Variants in CD36 observed in about 807,000 individuals in gnomAD.
CD36 encodes the protein platelet glycoprotein 4.
A neutral mutation model predicts 55.2 loss-of-function variants in CD36; 119 were observed. The ratio of observed to expected loss-of-function variants is 2.15; its 90% CI spans 1.86 to 2.51. The LOEUF (loss-of-function observed/expected upper bound fraction) is 2.51, where lower values mean the gene tolerates loss of function less well. CD36 is among the 30% of genes most tolerant of loss of function. The probability of loss-of-function intolerance (pLI) is 0.00; values close to 1 mark genes in which losing one functional copy is unlikely to be tolerated. For missense variants in CD36, 819 were observed against 555.5 expected, an observed-to-expected ratio of 1.47 and a Z score of -4.77; for synonymous variants, 186 against 193.6, an observed-to-expected ratio of 0.96 and a Z score of 0.33.
intron 3 of CD36, among the ~76,000 whole-genome samples, chr7:80,648,345 A>G (rs1795329848): frequency 6.6e-6 from 1 of 152,136 alleles, no homozygotes; most frequent in Non-Finnish European, 1.5e-5. Flanking sequence ...TCCAAATTCA[A>G]AAATCACAAT....
At chr7:80,610,872 C>T (rs2691200) in intron 1 of CD36, among the ~76,000 whole-genome samples, 61,498 of 151,870 alleles carry the variant, frequency 0.4, 12,675 homozygotes, top group African/African-American at 0.47. Context: ...GGCACCCAGC[C>T]AGATTTTTTT....
chr7:80,636,532 C>CAAAAAA (rs5885186), upstream of CD36, among the ~76,000 whole-genome samples: 1 of 124,646 alleles, frequency 8.0e-6, no homozygotes, highest in Non-Finnish European at 1.7e-5. Context: ...TGATCTCTTG[C>CAAAAAA]AAAAAAAAAA....
rs1448912663 is a variant in CD36, at chr7:80,678,809, A to C, written c.*2426A>C. On this transcript the variant is annotated 3_prime_UTR_variant, in exon 15 of 15. Coordinates refer to ENST00000447544, the MANE Select transcript of CD36 (RefSeq NM_001001548.3). ...CAGTGAACTGAGATCGCGTCACTGC[A>C]CTCCAGCCTGGTGACAGAGCGAGAT... 6.6e-6 allele frequency: 1 copy of C among 151,182 alleles called. No homozygotes were observed. Among genetic ancestry groups the C allele is most frequent in the African/African-American group, 2.4e-5 (1 of 41,152 alleles). 9.4% of individuals were successfully genotyped at this position (151,182 alleles called of 1,614,324 possible). A position where few individuals can be genotyped will look rare whatever the true frequency, so the allele number is the denominator to read the frequency against.
intron 14 of CD36, 43 bp downstream of exon 14, chr7:80,674,190 A>T (rs1798038760): frequency 7.4e-7 from 1 of 1,358,868 alleles, no homozygotes; most frequent in African/African-American, 1.4e-5. Flanking sequence ...ATATTAGCTT[A>T]TATATTACTT....
chr7:80,609,774 C>T (rs941749417), intron 1 of CD36, among the ~76,000 whole-genome samples: 5 of 152,134 alleles, frequency 3.3e-5, no homozygotes, highest in African/African-American at 1.2e-4. Context: ...ACAACAAGAG[C>T]TTGATAGGAG....
intron 6 of CD36, among the ~76,000 whole-genome samples, chr7:80,663,525 A>T (rs1229071210): frequency 6.6e-6 from 1 of 151,944 alleles, no homozygotes; most frequent in Non-Finnish European, 1.5e-5. Context: ...CCATATTTTT[A>T]TTTGTTTTAA....
intron 1 of CD36, among the ~76,000 whole-genome samples, chr7:80,617,349 C>CA (rs1000191047): frequency 1.3e-5 from 2 of 151,700 alleles, no homozygotes; most frequent in African/African-American, 4.8e-5. Context: ...ACCTATGTAA[C>CA]AAACCTGCAT....
rs371728039 is a variant in CD36, at chr7:80,620,012, GTGTTTT to G, written c.-184+17647_-184+17652del. Among the ~76,000 whole-genome samples, 81 of 152,288 alleles carry G rather than the reference GTGTTTT, an allele frequency of 5.3e-4. 3 individuals carry two copies. The Middle Eastern group carries it at 0.041, about 77-fold the overall frequency. The stretch of plus-strand genomic sequence containing the variant: ...TAGCTTTTCTAATTGAGCAAAGAAA[GTGTTTT>G]TGTTTTTGTTTTTTTTTAGATGAAA... On this transcript the variant is annotated intron_variant, in intron 1 of 13. Coordinates refer to the CD36 transcript ENST00000309881.
chr7:80,668,668 C>A (rs557422950), intron 8 of CD36, among the ~76,000 whole-genome samples: 7 of 152,130 alleles, frequency 4.6e-5, no homozygotes, highest in Non-Finnish European at 1.0e-4. Context: ...CTTTTCAATG[C>A]ATTTTTCTTT....
intron 3 of CD36, among the ~76,000 whole-genome samples, chr7:80,654,566 G>A (rs1795885992): frequency 6.6e-6 from 1 of 152,118 alleles, no homozygotes; most frequent in African/African-American, 2.4e-5. Flanking sequence ...ACATTTAGAA[G>A]AATATCCATA....
At chr7:80,610,729 C>A (rs2115765459) in intron 1 of CD36, among the ~76,000 whole-genome samples, 1 of 152,160 alleles carries the variant, frequency 6.6e-6, no homozygotes, top group East Asian at 1.9e-4. Flanking sequence ...CGCCCGCCAC[C>A]ACGCCTGGCT....
chr7:80,629,547 G>T (rs76416388), intron 1 of CD36, among the ~76,000 whole-genome samples: 2,523 of 152,042 alleles, frequency 0.017, 71 homozygotes, highest in African/African-American at 0.057. Context: ...GTGTTAAAGG[G>T]CATCTCTGGA....
chr7:80,626,279 A>G (rs754876504), intron 1 of CD36: 39 of 152,226 alleles, frequency 2.6e-4, no homozygotes, highest in Non-Finnish European at 3.2e-4. Flanking sequence ...TATTTATATT[A>G]TTTACACTAT....
intron 1 of CD36, among the ~76,000 whole-genome samples, chr7:80,609,564 G>A (rs910191735): frequency 2.0e-5 from 3 of 152,048 alleles, no homozygotes; most frequent in African/African-American, 7.2e-5. Flanking sequence ...TTGTTTTGTT[G>A]ATTCTCACGT....
rs1797512224 is a variant in CD36, at chr7:80,670,077, T to C, written c.818+55T>C. 6.5e-6 allele frequency: 7 copies of C among 1,073,542 alleles called. No individual in the cohort carries two copies. In the Admixed American group the frequency reaches 1.0e-4, roughly 15 times the overall value. 66.5% of individuals were successfully genotyped at this position (1,073,542 alleles called of 1,614,324 possible). On this transcript the variant is annotated intron_variant, in intron 9 of 14. Transcript: ENST00000447544. ...CTGAGTCAGACCCCAGGTGACAAAA[T>C]GCAGACCAAGAAACTTAAACACAGC...
chr7:80,619,832 T>C (rs1793362213), intron 1 of CD36, among the ~76,000 whole-genome samples: 1 of 152,066 alleles, frequency 6.6e-6, no homozygotes, highest in South Asian at 2.1e-4. Context: ...AGAAGTTGAT[T>C]GCAACCATCA....
At chr7:80,670,908 A>G in intron 9 of CD36, 69 bp from the exon 10 acceptor site, 1 of 1,064,750 alleles carries the variant, frequency 9.4e-7, no homozygotes, top group South Asian at 1.3e-5. Context: ...AAACAAGAAT[A>G]AGAAAAAATG....
rs754938089 is a variant in CD36, at chr7:80,661,049, T to A, written c.282-14T>A. The stretch of plus-strand genomic sequence containing the variant: ...GACAAATGTTTTGAATTTTGTTTAC[T>A]GCTATTTCTTTAGAGTTCGTTTTCT... On this transcript the variant is annotated splice_polypyrimidine_tract_variant and intron_variant, in intron 4 of 14. Transcript: ENST00000447544. The A allele has an allele frequency of 9.4e-6, 15 of 1,597,104 alleles. No individual in the cohort carries two copies. In the East Asian group the frequency reaches 2.9e-4, roughly 31 times the overall value.
chr7:80,658,904 A>C (rs1796305386), intron 4 of CD36, among the ~76,000 whole-genome samples: 1 of 152,140 alleles, frequency 6.6e-6, no homozygotes, highest in Non-Finnish European at 1.5e-5. Context: ...TAAAGCCTTT[A>C]ACCTATCTCT....
Sources: gnomAD v4.1 joint callset for allele counts (sites outside exome capture counted in the v4.1 genomes callset) on GRCh38, gnomAD v4.1.1 for gene constraint, MANE v1.5 for transcripts, NCBI Gene and HGNC (gene_info 2026-07-23, HGNC 2026-07-21) for gene names.